The following CCDC148 variants were observed in gnomAD, a reference collection of about 807,000 sequenced individuals.
CCDC148 encodes the protein coiled-coil domain-containing protein 148.
In CCDC148, 89 loss-of-function variants were observed where a neutral mutation model predicts 85.7. The ratio of observed to expected loss-of-function variants is 1.04; its 90% confidence interval spans 0.87 to 1.24. CCDC148 has a LOEUF of 1.24. Ranked by LOEUF, CCDC148 falls within the 50% of genes most tolerant of loss-of-function variation. CCDC148 has a pLI of 0.00. For synonymous variants in CCDC148, 230 were observed against 213.9 expected, an observed-to-expected ratio of 1.08 and a Z score of -0.66; for missense variants, 692 against 671.7, an observed-to-expected ratio of 1.03 and a Z score of -0.33.
intron 9 of CCDC148, among the ~76,000 whole-genome samples, chr2:158,281,153 T>TA (rs1055285501): frequency 6.6e-6 from 1 of 152,010 alleles, no homozygotes; most frequent in Non-Finnish European, 1.5e-5. Context: ...TTTATAGCAC[T>TA]AAATGCCCAC....
At chr2:158,368,922 T>C (rs1159086070) in intron 1 of CCDC148, among the ~76,000 whole-genome samples, 1 of 152,084 alleles carries the variant, frequency 6.6e-6, no homozygotes, top group African/African-American at 2.4e-5. Context: ...TTCTTATTCT[T>C]CTCTTTTCTA....
intron 3 of CCDC148, among the ~76,000 whole-genome samples, chr2:158,344,565 G>C (rs1451432716): frequency 6.6e-6 from 1 of 151,870 alleles, no homozygotes; most frequent in African/African-American, 2.4e-5. Flanking sequence ...ATAAATGAAG[G>C]AGAAACATAT....
At chr2:158,358,023 A>G (rs1161596335) in intron 2 of CCDC148, among the ~76,000 whole-genome samples, 2 of 152,182 alleles carry the variant, frequency 1.3e-5, no homozygotes, top group Admixed American at 6.5e-5. Context: ...GGCTTGGAAC[A>G]TATATTTAAG....
At chr2:158,222,291 G>T (rs1687225652) in intron 10 of CCDC148, among the ~76,000 whole-genome samples, 1 of 152,074 alleles carries the variant, frequency 6.6e-6, no homozygotes. Flanking sequence ...CAGGTTGCTG[G>T]CATCCTCAGA....
intron 11 of CCDC148, among the ~76,000 whole-genome samples, chr2:158,212,321 C>T (rs189612474): frequency 9.2e-4 from 140 of 152,324 alleles, no homozygotes; most frequent in Admixed American, 3.1e-3. Context: ...CTGATTAAGT[C>T]ACTTTACTAA....
chr2:158,171,415 A>G lies in CCDC148; in HGVS notation c.*698T>C, dbSNP rs991875991. ...TCCTTTTCTATAAAATCATCTAAAT[A>G]TTTAATAGATAATTTGGAATTTTTG... On this transcript the variant is annotated 3_prime_UTR_variant, in exon 14 of 14. Transcript: ENST00000283233. The G allele has an allele frequency of 2.6e-5, 4 of 151,966 alleles. No homozygotes were observed. The allele number at this position is 151,966 out of a possible 1,614,324, so 9.4% of individuals were successfully genotyped here. A position where few individuals can be genotyped will look rare whatever the true frequency, so the allele number is the denominator to read the frequency against.
At chr2:158,376,875 G>A (rs1321972947) in intron 1 of CCDC148, among the ~76,000 whole-genome samples, 1 of 151,924 alleles carries the variant, frequency 6.6e-6, no homozygotes. Context: ...GAACTAGAGG[G>A]GCTAATTTTG....
In CCDC148 at chr2:158,349,316, TA is replaced by T. The variant is rs1559088527; in HGVS notation, c.148-3999del. On this transcript the variant is annotated intron_variant, in intron 2 of 13. Coordinates refer to ENST00000283233, the MANE Select transcript of CCDC148 (RefSeq NM_138803.4). ...TTATTAAAACTGTTAATTACATGTCTAAAAAAAGAGTTTATTTAAAAGGTAA... is the reference window on the plus strand; with the variant it reads ...TTATTAAAACTGTTAATTACATGTCTAAAAAAGAGTTTATTTAAAAGGTAA... Among the ~76,000 whole-genome samples the T allele has an allele frequency of 2.0e-5, 3 of 151,996 alleles. No homozygotes were observed. In the Middle Eastern group the frequency reaches 0.01, roughly 517 times the overall value.
intron 11 of CCDC148, among the ~76,000 whole-genome samples, chr2:158,183,325 G>A (rs1447162640): frequency 6.6e-6 from 1 of 152,134 alleles, no homozygotes; most frequent in Admixed American, 6.5e-5. Context: ...TGTGTGCACA[G>A]CACTCTAAGA....
chr2:158,312,592 AAAAAACC>A, intron 8 of CCDC148, among the ~76,000 whole-genome samples: 2 of 150,590 alleles, frequency 1.3e-5, no homozygotes, highest in Admixed American at 6.6e-5. Flanking sequence ...AAAAAAAAAA[AAAAAACC>A]AAAAAACAAA....
intron 2 of CCDC148, among the ~76,000 whole-genome samples, chr2:158,350,956 C>A (rs1216009325): frequency 1.3e-5 from 2 of 152,086 alleles, no homozygotes; most frequent in Non-Finnish European, 2.9e-5. Flanking sequence ...CTCATCCTCA[C>A]CCTACTGTGC....
At chr2:158,376,841 G>A (rs1252016527) in intron 1 of CCDC148, among the ~76,000 whole-genome samples, 1 of 152,084 alleles carries the variant, frequency 6.6e-6, no homozygotes, top group African/African-American at 2.4e-5. Context: ...CTGCACTGAA[G>A]TGGGTAGAGT....
At chr2:158,380,002 GGT>G (rs1321581776) in intron 1 of CCDC148, among the ~76,000 whole-genome samples, 7 of 151,978 alleles carry the variant, frequency 4.6e-5, no homozygotes, top group African/African-American at 1.7e-4. Flanking sequence ...TGCCCAGGCT[GGT>G]CTTGAACTCC....
intron 11 of CCDC148, among the ~76,000 whole-genome samples, chr2:158,182,765 G>A (rs1684965180): frequency 6.6e-6 from 1 of 152,218 alleles, no homozygotes; most frequent in Admixed American, 6.5e-5. Flanking sequence ...CTTAAAAAAG[G>A]AGAAACTCTT....
At chr2:158,198,368 G>A (rs1253836973) in intron 11 of CCDC148, among the ~76,000 whole-genome samples, 1 of 152,176 alleles carries the variant, frequency 6.6e-6, no homozygotes, top group Non-Finnish European at 1.5e-5. Flanking sequence ...ATTATTAAAT[G>A]TGTAAACCAA....
At chr2:158,279,642 A>G (rs1269722593) in intron 9 of CCDC148, among the ~76,000 whole-genome samples, 1 of 152,228 alleles carries the variant, frequency 6.6e-6, no homozygotes, top group African/African-American at 2.4e-5. Context: ...GACCAAATCT[A>G]CATCTGATTG....
rs189881704 is a variant in CCDC148 at position 158,230,197 on chromosome 2, T to C, written c.1252-9484A>G. 2.2e-3 allele frequency among the ~76,000 whole-genome samples: 330 copies of C among 152,328 alleles called. 1 individual carries two copies. The highest frequency in any genetic ancestry group is 7.5e-3 in the African/African-American group (313 of 41,582). ...GTACTTAAAAAAAATAAAGCCTCTG[T>C]CTTGTGGAACTGAGACTTTCTAGAA... On this transcript the variant is annotated intron_variant, in intron 10 of 13. Coordinates refer to ENST00000283233, the MANE Select transcript of CCDC148 (RefSeq NM_138803.4).
At chr2:158,388,367 A>T (rs1437169146) in intron 1 of CCDC148, among the ~76,000 whole-genome samples, 3 of 152,182 alleles carry the variant, frequency 2.0e-5, no homozygotes, top group African/African-American at 7.2e-5. Context: ...ACCAGGGAGG[A>T]AAGGGTCACA....
intron 1 of CCDC148, chr2:158,393,255 A>G (rs992545521): frequency 6.6e-6 from 1 of 152,124 alleles, no homozygotes; most frequent in South Asian, 2.1e-4. Context: ...CAAATCAATA[A>G]AAATAGGTCG....
Sources: allele counts gnomAD v4.1 joint callset (sites outside exome capture counted in the v4.1 genomes callset), GRCh38; gene constraint gnomAD v4.1.1; transcripts MANE v1.5; gene names NCBI Gene and HGNC (gene_info 2026-07-23, HGNC 2026-07-21).